INSL6: variants seen among roughly 807,000 people sequenced by gnomAD.
INSL6 encodes the protein insulin like 6.
In INSL6, 16 loss-of-function variants were observed where a neutral mutation model predicts 9.4. The ratio of observed to expected loss-of-function variants is 1.70; its 90% CI spans 1.15 to 2.59. The LOEUF is 2.59. Among genes scored for constraint, INSL6 ranks in the 30% most tolerant of loss-of-function variants. The pLI is 0.00. For synonymous variants in INSL6, 154 were observed against 96.9 expected, an observed-to-expected ratio of 1.59 and a Z score of -3.46; for missense variants, 391 against 257.3, an observed-to-expected ratio of 1.52 and a Z score of -3.56.
the INSL6 span, among the ~76,000 whole-genome samples, chr9:5,039,451 A>G: frequency 1.3e-5 from 2 of 152,144 alleles, no homozygotes; most frequent in African/African-American, 2.4e-5. Flanking sequence ...GTTATATGCA[A>G]ATACTATGCC....
intron 1 of INSL6, among the ~76,000 whole-genome samples, chr9:5,168,013 A>G (rs76622638): frequency 6.6e-6 from 1 of 152,066 alleles, no homozygotes; most frequent in Non-Finnish European, 1.5e-5. Flanking sequence ...AAATAAAAAC[A>G]AACAGGGAGC....
chr9:5,005,334 G>A, the INSL6 span, among the ~76,000 whole-genome samples: 1 of 151,400 alleles, frequency 6.6e-6, no homozygotes, highest in Non-Finnish European at 1.5e-5. Flanking sequence ...TGAGTTGTTT[G>A]CATTTCTTAT....
At position 5,139,322 on chromosome 9, in the gene INSL6, C is replaced by T. The variant is rs193211699; in HGVS notation, c.377-5730G>A. Among the ~76,000 whole-genome samples, 688 of 152,170 alleles carry T rather than the reference C, an allele frequency of 4.5e-3. 7 individuals are homozygous for T. The highest frequency in any genetic ancestry group is 0.016 in the African/African-American group (652 of 41,516). On this transcript the variant is annotated intron_variant, in intron 2 of 3. Coordinates refer to the INSL6 transcript ENST00000649639. ...TTGTTCATAGTTGGATTACTACATC[C>T]TATCCATCAAACAAATTAATTGCAC...
At chr9:5,085,791 G>A in the INSL6 span, 35 of 755,170 alleles carry the variant, frequency 4.6e-5, no homozygotes, top group South Asian at 4.8e-4. Context: ...AATATTACAT[G>A]CTCGGGCCAT....
chr9:5,004,220 C>T, the INSL6 span, among the ~76,000 whole-genome samples: 1 of 152,124 alleles, frequency 6.6e-6, no homozygotes, highest in Non-Finnish European at 1.5e-5. Flanking sequence ...TACAATAGAT[C>T]TCTTCAGTTT....
At chr9:5,122,512 TG>T (rs748514184), downstream of INSL6, among the ~76,000 whole-genome samples, 1 of 152,134 alleles carries the variant, frequency 6.6e-6, no homozygotes, top group Non-Finnish European at 1.5e-5. Flanking sequence ...CAGTTAACCT[TG>T]GTGCTGTCTA....
intron 1 of INSL6, among the ~76,000 whole-genome samples, chr9:5,182,210 CAT>C (rs1344437836): frequency 3.9e-5 from 6 of 152,040 alleles, no homozygotes; most frequent in Non-Finnish European, 7.4e-5. Context: ...GAGGAATGCA[CAT>C]GAGTATTATG....
chr9:5,050,618 A>G, the INSL6 span: 8 of 1,426,648 alleles, frequency 5.6e-6, no homozygotes, highest in Non-Finnish European at 7.8e-6. Flanking sequence ...TGATTAAAAT[A>G]TAATCATAGA....
the INSL6 span, among the ~76,000 whole-genome samples, chr9:5,077,830 T>C: frequency 6.6e-6 from 1 of 152,246 alleles, no homozygotes; most frequent in Non-Finnish European, 1.5e-5. Context: ...ATGTTGTGTC[T>C]TTTGGATTTA....
the INSL6 span, chr9:5,112,467 G>T: frequency 9.1e-6 from 5 of 548,226 alleles, no homozygotes; most frequent in Non-Finnish European, 1.7e-5. Context: ...AGGACCCCCG[G>T]GACCGGACCA....
chr9:5,135,111 A>G (rs1475471494), intron 2 of INSL6, among the ~76,000 whole-genome samples: 2 of 152,102 alleles, frequency 1.3e-5, no homozygotes, highest in Non-Finnish European at 2.9e-5. Flanking sequence ...TGGTAAAGGG[A>G]ATCAATGCAA....
chr9:5,118,288 C>G, the INSL6 span, among the ~76,000 whole-genome samples: 1 of 152,132 alleles, frequency 6.6e-6, no homozygotes, highest in Non-Finnish European at 1.5e-5. Flanking sequence ...AAATAGTATT[C>G]CCACTTCCCT....
chr9:4,996,585 C>T, the INSL6 span, among the ~76,000 whole-genome samples: 66 of 149,822 alleles, frequency 4.4e-4, no homozygotes, highest in Non-Finnish European at 6.4e-4. Flanking sequence ...TGAGGAGGGG[C>T]GGGGGTGATG....
chr9:5,077,665 T>A, the INSL6 span: 1 of 857,546 alleles, frequency 1.2e-6, no homozygotes, highest in Non-Finnish European at 1.7e-6. Context: ...AAACAAAAAA[T>A]AAATCTGTAA....
chr9:5,058,903 G>C, the INSL6 span, among the ~76,000 whole-genome samples: 1 of 151,948 alleles, frequency 6.6e-6, no homozygotes, highest in African/African-American at 2.4e-5. Flanking sequence ...CTGAATTATA[G>C]AAATTATTTA....
chr9:4,998,497 C>T, the INSL6 span, among the ~76,000 whole-genome samples: 706 of 152,186 alleles, frequency 4.6e-3, 4 homozygotes, highest in African/African-American at 0.016. Context: ...CCTCGTGATC[C>T]GCCCGCCTTG....
chr9:5,114,520 A>G, the INSL6 span: 4 of 469,892 alleles, frequency 8.5e-6, no homozygotes, highest in East Asian at 2.2e-4. Flanking sequence ...GCAACGCTAG[A>G]AGAGCCGAGG....
chr9:4,993,028 GCCTGTAGTGCT>G, the INSL6 span, among the ~76,000 whole-genome samples: 1 of 152,064 alleles, frequency 6.6e-6, no homozygotes, highest in Admixed American at 6.6e-5. Flanking sequence ...CTTGCTTCCT[GCCTGTAGTGCT>G]CCAGAGTCCA....
At chr9:5,111,453 C>G in the INSL6 span, 4 of 389,770 alleles carry the variant, frequency 1.0e-5, no homozygotes, top group South Asian at 8.0e-5. Context: ...GGTCTTCCAT[C>G]CTCGGCGTAC....
Sources: gnomAD v4.1 joint callset for allele counts (sites outside exome capture counted in the v4.1 genomes callset) on GRCh38, gnomAD v4.1.1 for gene constraint, MANE v1.5 for transcripts, NCBI Gene and HGNC (gene_info 2026-07-23, HGNC 2026-07-21) for gene names.